KLHL29: variants seen among roughly 807,000 people sequenced by gnomAD.
KLHL29 encodes the protein kelch-like protein 29.
Under a neutral mutation model 80.4 loss-of-function variants are expected in KLHL29, and 21 were observed. The ratio of observed to expected loss-of-function variants is 0.26; its 90% CI spans 0.19 to 0.38. The LOEUF is 0.38. Among genes scored for constraint, KLHL29 ranks in the 10% least tolerant of loss-of-function variants. The probability of loss-of-function intolerance (pLI) is 1.00; values close to 1 mark genes in which losing one functional copy is unlikely to be tolerated. For synonymous variants in KLHL29, 511 were observed against 526.8 expected (o/e 0.97, Z 0.41); for missense variants, 867 against 1,223.9 (o/e 0.71, Z 4.35).
rs569455554 is a variant in KLHL29 at position 23,513,005 on chromosome 2, G to T, written c.-46+37338G>T. Among the ~76,000 whole-genome samples, 6 of 152,358 alleles carry T rather than the reference G, an allele frequency of 3.9e-5. No individual in the cohort carries two copies. The South Asian group carries it at 1.0e-3, about 26-fold the overall frequency. On this transcript the variant is annotated intron_variant, in intron 2 of 13. Coordinates refer to ENST00000486442, the MANE Select transcript of KLHL29 (RefSeq NM_052920.2). ...GTGGGATGTGGCTCAGGAGGCTTGGGGAGTCCACTGTCAGCCATCCTTGGC... is the reference window on the plus strand; with the variant it reads ...GTGGGATGTGGCTCAGGAGGCTTGGTGAGTCCACTGTCAGCCATCCTTGGC...
intron 2 of KLHL29, among the ~76,000 whole-genome samples, chr2:23,533,000 G>A (rs1572383509): frequency 6.6e-6 from 1 of 152,156 alleles, no homozygotes; most frequent in Non-Finnish European, 1.5e-5. Context: ...CAACTCACAG[G>A]CCCCCAAGCT....
At chr2:23,386,648 C>T (rs1181120154) in intron 1 of KLHL29, among the ~76,000 whole-genome samples, 8 of 152,100 alleles carry the variant, frequency 5.3e-5, no homozygotes, top group Non-Finnish European at 7.4e-5. Flanking sequence ...CCAGGGCTCG[C>T]GTCCCGGTCT....
chr2:23,489,245 T>G (rs1435373084), intron 2 of KLHL29, among the ~76,000 whole-genome samples: 2 of 152,118 alleles, frequency 1.3e-5, no homozygotes, highest in Non-Finnish European at 2.9e-5. Context: ...CTGAGTGATG[T>G]GCTGGGAGGA....
intron 1 of KLHL29, among the ~76,000 whole-genome samples, chr2:23,409,003 G>A (rs775531823): frequency 3.3e-5 from 5 of 152,142 alleles, no homozygotes; most frequent in Non-Finnish European, 7.3e-5. Context: ...GGTGTGTGAG[G>A]GGCTAATCAT....
At chr2:23,518,671 G>A (rs1253696302) in intron 2 of KLHL29, among the ~76,000 whole-genome samples, 2 of 152,182 alleles carry the variant, frequency 1.3e-5, no homozygotes, top group Middle Eastern at 3.4e-3. Flanking sequence ...GCTTCCACAC[G>A]CAGCAAGCAC....
At chr2:23,622,691 C>T (rs1669213986) in intron 3 of KLHL29, among the ~76,000 whole-genome samples, 1 of 152,222 alleles carries the variant, frequency 6.6e-6, no homozygotes, top group Non-Finnish European at 1.5e-5. Context: ...CTCATCCCTG[C>T]ACTTGGGGGC....
In KLHL29 at chr2:23,422,470, CTG is replaced by C. The variant is rs570878287; in HGVS notation, c.-154+36696_-154+36697del. 2.2e-4 allele frequency among the ~76,000 whole-genome samples: 32 copies of C among 144,276 alleles called. 1 individual carries two copies. In the South Asian group the frequency reaches 7.0e-3, roughly 32 times the overall value. 94.7% of individuals were successfully genotyped at this position (144,276 alleles called of 152,430 possible). On this transcript the variant is annotated intron_variant, in intron 1 of 13. Transcript: ENST00000486442. ...CTGTGTGTTGTGTGTCTTTTTGTGT[CTG>C]TGTGTTGTGTGTCCCTGTGTGTCTG...
rs954904934 is a variant in KLHL29 at position 23,680,583 on chromosome 2, G to A, written c.941-3816G>A. Among the ~76,000 whole-genome samples, 13 of 152,072 alleles carry A rather than the reference G, an allele frequency of 8.5e-5. No homozygotes were observed. Among genetic ancestry groups the A allele is most frequent in the African/African-American group, 1.4e-4 (6 of 41,404 alleles). On this transcript the variant is annotated intron_variant, in intron 5 of 13. Coordinates refer to ENST00000486442, the MANE Select transcript of KLHL29 (RefSeq NM_052920.2). The surrounding 1 kb of genome is among the most constrained non-coding windows in gnomAD (Gnocchi z 4.1). ...AGGCTCAGCTGCCAGGACTCCACTC[G>A]CCAGACCCCACCGAGCCTCCATGCA...
chr2:23,593,955 G>A (rs964410370), intron 3 of KLHL29, among the ~76,000 whole-genome samples: 1 of 152,136 alleles, frequency 6.6e-6, no homozygotes, highest in African/African-American at 2.4e-5. Context: ...AGAAGGGTCT[G>A]ATCATTTCCC....
chr2:23,444,658 A>C (rs1039179469), intron 1 of KLHL29, among the ~76,000 whole-genome samples: 3 of 152,190 alleles, frequency 2.0e-5, no homozygotes, highest in Non-Finnish European at 4.4e-5. Flanking sequence ...GTGCGTTAAC[A>C]TGTTTACCTG....
At position 23,596,347 on chromosome 2, in the gene KLHL29, T is replaced by C. The variant is rs1320578680; in HGVS notation, c.285+33866T>C. ...CTTGAGTTCTCCTCCAGGCTTCAGC[T>C]ACCAACACGCCCCTATGAGTCTCTG... On this transcript the variant is annotated intron_variant, in intron 3 of 13. Transcript: ENST00000486442. This position sits in a 1 kb window ranked among gnomAD's most constrained non-coding sequence, Gnocchi z 4.4. Among the ~76,000 whole-genome samples, 1 of 152,164 alleles carries C rather than the reference T, an allele frequency of 6.6e-6. No individual in the cohort carries two copies. Among genetic ancestry groups the C allele is most frequent in the Non-Finnish European group, 1.5e-5 (1 of 68,024 alleles).
At chr2:23,613,906 G>A (rs541192039) in intron 3 of KLHL29, among the ~76,000 whole-genome samples, 31 of 152,078 alleles carry the variant, frequency 2.0e-4, no homozygotes, top group African/African-American at 7.5e-4. Flanking sequence ...AGTCAAGTTG[G>A]GAACTGCTTA....
intron 3 of KLHL29, among the ~76,000 whole-genome samples, chr2:23,590,624 C>T (rs180851685): frequency 1.2e-4 from 19 of 152,238 alleles, no homozygotes; most frequent in Admixed American, 9.8e-4. Context: ...GCTAAAATCC[C>T]CACCCACACA....
At chr2:23,668,933 G>A (rs1272600373) in intron 5 of KLHL29, 1 of 152,354 alleles carries the variant, frequency 6.6e-6, no homozygotes, top group African/African-American at 2.4e-5. Context: ...AGCCCAGAGA[G>A]CCCGGAAGTG....
chr2:23,692,440 C>T (rs760724784), intron 7 of KLHL29, among the ~76,000 whole-genome samples: 1 of 152,214 alleles, frequency 6.6e-6, no homozygotes, highest in Non-Finnish European at 1.5e-5. Context: ...TGGGCGACGG[C>T]AAGGTGAGGG....
chr2:23,627,984 C>T (rs1197813729), intron 3 of KLHL29, among the ~76,000 whole-genome samples: 2 of 144,178 alleles, frequency 1.4e-5, no homozygotes, highest in Non-Finnish European at 3.0e-5. Flanking sequence ...CTCGGCTCAC[C>T]GCAACCTCCG....
At chr2:23,547,822 GT>G (rs1435407477) in intron 2 of KLHL29, among the ~76,000 whole-genome samples, 6 of 152,138 alleles carry the variant, frequency 3.9e-5, no homozygotes, top group African/African-American at 9.7e-5. Context: ...CACAGGCTCT[GT>G]AGTGAGAAGA....
chr2:23,562,552 C>T lies in KLHL29; in HGVS notation c.285+71C>T. The T allele has an allele frequency of 6.8e-7, 1 of 1,468,318 alleles. No homozygotes were observed. The allele number at this position is 1,468,318 out of a possible 1,614,324, so 91.0% of individuals were successfully genotyped here. On this transcript the variant is annotated intron_variant, in intron 3 of 13. Coordinates refer to ENST00000486442, the MANE Select transcript of KLHL29 (RefSeq NM_052920.2). This position sits in a 1 kb window ranked among gnomAD's most constrained non-coding sequence, Gnocchi z 4.5. Reference sequence around the variant, plus strand: ...CTGCCTCCCTGCAGGCTCAGGCCAGCCCCACAGGCTCCTGTGGGGCAGCCT... The same window carrying T: ...CTGCCTCCCTGCAGGCTCAGGCCAGTCCCACAGGCTCCTGTGGGGCAGCCT...
chr2:23,637,346 C>A (rs2288698), intron 3 of KLHL29, among the ~76,000 whole-genome samples: 14,395 of 152,176 alleles, frequency 0.095, 1,682 homozygotes, highest in East Asian at 0.46. Flanking sequence ...AAAAACCATG[C>A]TATTGTTCCC....
Sources: gnomAD v4.1 joint callset for allele counts (sites outside exome capture counted in the v4.1 genomes callset) on GRCh38, gnomAD v4.1.1 for gene constraint, Gnocchi (gnomAD v3.1) non-coding constraint, MANE v1.5 for transcripts, NCBI Gene and HGNC (gene_info 2026-07-23, HGNC 2026-07-21) for gene names.